The following TBCD variants were observed in gnomAD, a reference collection of about 807,000 sequenced individuals.
TBCD encodes the protein tubulin-specific chaperone D.
A neutral mutation model predicts 169.3 loss-of-function variants in TBCD; 105 were observed. That is an observed-to-expected ratio of 0.62 (90% confidence interval 0.53 to 0.73). TBCD has a LOEUF of 0.73. TBCD is among the 30% of genes least tolerant of loss of function. The pLI is 0.00. For missense variants in TBCD, 1,444 were observed against 1,600.1 expected, an observed-to-expected ratio of 0.90 and a Z score of 1.66; for synonymous variants, 700 against 643.9, an observed-to-expected ratio of 1.09 and a Z score of -1.32.
intron 7 of TBCD, among the ~76,000 whole-genome samples, chr17:82,792,308 CA>C (rs79198926): frequency 0.42 from 50,056 of 118,898 alleles, 8,858 homozygotes; most frequent in South Asian, 0.62. Flanking sequence ...ACTCCGTCTC[CA>C]AAAAAAAAAA....
chr17:82,826,074 G>A (rs1157401650), intron 13 of TBCD, among the ~76,000 whole-genome samples: 1 of 152,146 alleles, frequency 6.6e-6, no homozygotes, highest in African/African-American at 2.4e-5. Flanking sequence ...TTACCCTAAT[G>A]TAATGTATTT....
At chr17:82,929,796 T>G in intron 32 of TBCD, 2 of 532,604 alleles carry the variant, frequency 3.8e-6, no homozygotes, top group Non-Finnish European at 6.8e-6. Flanking sequence ...CCAGGACCTG[T>G]GTCTGATGCC....
intron 13 of TBCD, among the ~76,000 whole-genome samples, chr17:82,861,548 C>T (rs573922047): frequency 2.5e-4 from 38 of 152,326 alleles, no homozygotes; most frequent in African/African-American, 7.2e-4. Flanking sequence ...AGCCCGGCCC[C>T]GGTGTGCCGC....
chr17:82,856,585 T>A (rs543340130), intron 13 of TBCD, among the ~76,000 whole-genome samples: 10 of 152,348 alleles, frequency 6.6e-5, no homozygotes, highest in African/African-American at 2.4e-4. Flanking sequence ...ATGAATGCTA[T>A]CAGGGCCCTT....
intron 13 of TBCD, among the ~76,000 whole-genome samples, chr17:82,822,627 C>G (rs779943476): frequency 1.3e-5 from 2 of 152,080 alleles, no homozygotes; most frequent in South Asian, 4.1e-4. Flanking sequence ...GGGGAATACA[C>G]GGGGGTGCAG....
intron 18 of TBCD, among the ~76,000 whole-genome samples, chr17:82,902,855 ACC>A (rs1477064520): frequency 6.6e-6 from 1 of 152,002 alleles, no homozygotes; most frequent in Non-Finnish European, 1.5e-5. Context: ...TCCCAGCTTG[ACC>A]ATCTGCCTCT....
At chr17:82,899,474 G>A (rs1599360932) in intron 17 of TBCD, among the ~76,000 whole-genome samples, 2 of 152,256 alleles carry the variant, frequency 1.3e-5, no homozygotes, top group South Asian at 4.1e-4. Context: ...TGTCCGCAGC[G>A]CGTGTGTCTG....
chr17:82,803,728 A>G (rs1184752571), intron 9 of TBCD, among the ~76,000 whole-genome samples: 2 of 151,834 alleles, frequency 1.3e-5, no homozygotes, highest in African/African-American at 2.4e-5. Context: ...GAGTCTCACC[A>G]TTGTTGAGGT....
intron 38 of TBCD, 120 bp downstream of exon 38, chr17:82,941,603 C>A: frequency 1.2e-6 from 1 of 844,482 alleles, no homozygotes; most frequent in South Asian, 1.7e-5. Context: ...TCCCTCGTCT[C>A]ATGTCAGGAC....
At chr17:82,866,951 G>C (rs1054411476) in intron 13 of TBCD, among the ~76,000 whole-genome samples, 1 of 152,258 alleles carries the variant, frequency 6.6e-6, no homozygotes, top group African/African-American at 2.4e-5. Flanking sequence ...AGGAAGTGCT[G>C]ATCAGACTGA....
At position 82,831,876 on chromosome 17, in the gene TBCD, A is replaced by AGTG; in HGVS notation, c.1318+16943_1318+16944insTGG. On this transcript the variant is annotated intron_variant, in intron 13 of 38. Coordinates refer to ENST00000355528, the MANE Select transcript of TBCD (RefSeq NM_005993.5). This position sits in a 1 kb window ranked among gnomAD's most constrained non-coding sequence, Gnocchi z 4.6. ...TGTGGAAGGCCGACTTGGTGTGGAA[A>AGTG]GACACGGCCTTGGCAGTGGGGTTGT... is the stretch of plus-strand genomic sequence containing the variant. The AGTG allele has an allele frequency of 6.2e-7, 1 of 1,614,184 alleles. No homozygotes were observed. Among genetic ancestry groups the AGTG allele is most frequent in the Non-Finnish European group, 8.5e-7 (1 of 1,180,014 alleles).
intron 7 of TBCD, among the ~76,000 whole-genome samples, chr17:82,786,441 C>G (rs2049323014): frequency 6.6e-6 from 1 of 152,132 alleles, no homozygotes. Flanking sequence ...GGAGGGGAGG[C>G]AAATTTGATC....
At chr17:82,897,788 C>G (rs2059590202) in intron 17 of TBCD, among the ~76,000 whole-genome samples, 1 of 152,212 alleles carries the variant, frequency 6.6e-6, no homozygotes, top group African/African-American at 2.4e-5. Flanking sequence ...GCCTCATCAG[C>G]TGCCTGTGTT....
At chr17:82,910,152 G>T (rs889473913) in intron 22 of TBCD, among the ~76,000 whole-genome samples, 2 of 152,240 alleles carry the variant, frequency 1.3e-5, no homozygotes, top group Non-Finnish European at 2.9e-5. Flanking sequence ...ACGTTTCCTG[G>T]CTGACTACCA....
intron 13 of TBCD, among the ~76,000 whole-genome samples, chr17:82,861,328 CTCACGTCAGCCGCTGGT>C (rs36224969): frequency 0.73 from 109,953 of 150,842 alleles, 40,074 homozygotes; most frequent in East Asian, 0.79. Context: ...TGAATTCCAC[CTCACGTCAGCCGCTGGT>C]TCACGTCAGC....
intron 13 of TBCD, chr17:82,859,697 T>G (rs886469267): frequency 1.0e-6 from 1 of 985,318 alleles, no homozygotes. Context: ...GGCCAGGGCT[T>G]GCCCGCCGGG....
At chr17:82,912,259 C>T (rs529839176) in intron 23 of TBCD, among the ~76,000 whole-genome samples, 128 of 152,316 alleles carry the variant, frequency 8.4e-4, no homozygotes, top group African/African-American at 2.1e-3. Context: ...TGAGCAGAGG[C>T]GAAGCTCCTT....
Position 82,832,490 on chromosome 17 carries a change from T to C in TBCD, c.1318+17556T>C, listed in dbSNP as rs375285259. On this transcript the variant is annotated intron_variant, in intron 13 of 38. Transcript: ENST00000355528. This position sits in a 1 kb window ranked among gnomAD's most constrained non-coding sequence, Gnocchi z 4.9. Reference sequence around the variant, plus strand: ...ATGCCTTGGACTCTGGCTGTCCAGGTGGCGTGATCACTGTCGACGCCGCGT... The same window carrying C: ...ATGCCTTGGACTCTGGCTGTCCAGGCGGCGTGATCACTGTCGACGCCGCGT... The C allele has an allele frequency of 1.2e-4, 191 of 1,585,130 alleles. No homozygotes were observed. The highest frequency in any genetic ancestry group is 1.5e-4 in the Non-Finnish European group (179 of 1,163,686).
chr17:82,774,681 C>T (rs1348454998), intron 6 of TBCD, among the ~76,000 whole-genome samples: 12 of 152,160 alleles, frequency 7.9e-5, no homozygotes, highest in Non-Finnish European at 7.4e-5. Flanking sequence ...GGGGGCTGCC[C>T]CCCACCCGAG....
Sources: gnomAD v4.1 joint callset for allele counts (sites outside exome capture counted in the v4.1 genomes callset) on GRCh38, gnomAD v4.1.1 for gene constraint, Gnocchi (gnomAD v3.1) non-coding constraint, MANE v1.5 for transcripts, NCBI Gene and HGNC (gene_info 2026-07-23, HGNC 2026-07-21) for gene names.